The following RYR1 variants were observed in gnomAD, a reference collection of about 807,000 sequenced individuals.
RYR1 encodes the protein ryanodine receptor 1, also known as central core disease of muscle.
Under a neutral mutation model 583.5 loss-of-function variants are expected in RYR1, and 342 were observed. The ratio of observed to expected loss-of-function variants is 0.59; its 90% CI spans 0.54 to 0.64. RYR1 has a LOEUF of 0.64. Among genes scored for constraint, RYR1 ranks in the 30% least tolerant of loss-of-function variants. RYR1 has a pLI of 0.00. For synonymous variants in RYR1, 2,791 were observed against 2,822.5 expected, an observed-to-expected ratio of 0.99 and a Z score of 0.35; for missense variants, 6,032 against 6,917.2, an observed-to-expected ratio of 0.87 and a Z score of 4.54.
chr19:38,502,787 A>AGGGGCC, intron 48 of RYR1, 60 bp downstream of exon 48: 2 of 395,818 alleles, frequency 5.1e-6, no homozygotes, highest in Non-Finnish European at 8.1e-6. Flanking sequence ...GGGCAGGGGC[A>AGGGGCC]GGGGCAGGGG....
chr19:38,510,410 C>A, intron 58 of RYR1, 88 bp from the exon 59 acceptor site: 1 of 1,349,662 alleles, frequency 7.4e-7, no homozygotes, highest in East Asian at 2.3e-5. Flanking sequence ...CATCATTTCC[C>A]AACTCTGCTC....
In RYR1 at chr19:38,451,870, A is replaced by G; in HGVS notation, c.1229A>G (p.Tyr410Cys). Residue 410 changes from tyrosine (Y) to cysteine (C), a missense_variant, in exon 12 of 106, where the codon TAC (tyrosine) becomes TGC (cysteine). By Grantham distance (194) the Tyr-to-Cys change is radical. Transcript: ENST00000359596. ...ARMIHSTNGL[Y>C]NQFIKSLDSF... Reference sequence around the variant, plus strand: ...ATGATCCACAGCACCAATGGCCTATACAACCAGTTCATCAAGTGAGCAACC... The same window carrying G: ...ATGATCCACAGCACCAATGGCCTATGCAACCAGTTCATCAAGTGAGCAACC... The G allele has an allele frequency of 6.2e-7, 1 of 1,614,130 alleles. No homozygotes were observed. The highest frequency in any genetic ancestry group is 8.5e-7 in the Non-Finnish European group (1 of 1,180,012).
chr19:38,561,061 A>C lies in RYR1; in HGVS notation c.12283-52A>C. On this transcript the variant is annotated intron_variant, in intron 89 of 105. Transcript: ENST00000359596. The surrounding 1 kb of genome is among the most constrained non-coding windows in gnomAD (Gnocchi z 4.8). ...GTCTTAAAAAAAAAAAAAAAAAGAG[A>C]GAGAATTGAGGCTCTCCAGGTCACC... 35 of 1,325,826 alleles carry C rather than the reference A, an allele frequency of 2.6e-5. No individual in the cohort carries two copies. Among genetic ancestry groups the C allele is most frequent in the South Asian group, 3.8e-5 (3 of 78,780 alleles). The allele number at this position is 1,325,826 out of a possible 1,614,324, so 82.1% of individuals were successfully genotyped here.
In RYR1 at chr19:38,577,942, T is replaced by C; in HGVS notation, c.14197T>C (p.Tyr4733His). The C allele has an allele frequency of 6.2e-7, 1 of 1,614,144 alleles. No individual in the cohort carries two copies. The highest frequency in any genetic ancestry group is 8.5e-7 in the Non-Finnish European group (1 of 1,180,028). ...GGTCCTGGACAAACATGGGGACATC[T>C]ACGGGCGGGAGCGGATTGCTGAGCT... ...RKVLDKHGDI[Y>H]GRERIAELLG... Residue 4733 changes from tyrosine to histidine, a missense_variant, in exon 98 of 106, where the codon TAC (tyrosine) becomes CAC (histidine). Physicochemically the swap from Tyr to His is moderately conservative, Grantham distance 83. This residue lies in a region of RYR1 where 188 missense variants were observed against 215.6 expected (regional missense o/e 0.87). Transcript: ENST00000359596.
At chr19:38,488,635 G>A (rs569498179) in intron 34 of RYR1, among the ~76,000 whole-genome samples, 1 of 152,286 alleles carries the variant, frequency 6.6e-6, no homozygotes, top group South Asian at 2.1e-4. Flanking sequence ...CTGAGTAGCT[G>A]GGAATACAGG....
chr19:38,500,747 G>A lies in RYR1; in HGVS notation c.7444+21G>A. Reference sequence around the variant, plus strand: ...CAAAGGTGCAGAGGGGATGGAACTTGGCGAAGGAGTGATGCTGGGGAGGGA... The same window carrying A: ...CAAAGGTGCAGAGGGGATGGAACTTAGCGAAGGAGTGATGCTGGGGAGGGA... On this transcript the variant is annotated intron_variant, in intron 46 of 105. Coordinates refer to ENST00000359596, the MANE Select transcript of RYR1 (RefSeq NM_000540.3). The surrounding 1 kb of genome is among the most constrained non-coding windows in gnomAD (Gnocchi z 5.9). The A allele has an allele frequency of 6.2e-7, 1 of 1,614,142 alleles. No individual in the cohort carries two copies. The highest frequency in any genetic ancestry group is 8.5e-7 in the Non-Finnish European group (1 of 1,180,022).
At chr19:38,567,255 G>A (rs1239051151) in intron 92 of RYR1, among the ~76,000 whole-genome samples, 1 of 152,154 alleles carries the variant, frequency 6.6e-6, no homozygotes, top group African/African-American at 2.4e-5. Flanking sequence ...GACCCCTGGA[G>A]GTGGAGGCTG....
intron 61 of RYR1, among the ~76,000 whole-genome samples, 171 bp from the exon 62 acceptor site, chr19:38,511,901 G>A (rs1038125156): frequency 9.9e-5 from 15 of 152,114 alleles, no homozygotes; most frequent in African/African-American, 3.1e-4. Flanking sequence ...GGGCTGGGGA[G>A]GAGGGACATT....
chr19:38,522,027 A>T (rs911666041), intron 67 of RYR1, among the ~76,000 whole-genome samples: 2 of 152,070 alleles, frequency 1.3e-5, no homozygotes, highest in Non-Finnish European at 2.9e-5. Flanking sequence ...AATTTTAAAA[A>T]GTTTTTAGCC....
chr19:38,561,475 GCAAGCTCGCCT>G lies in RYR1; in HGVS notation c.12624+23_12624+33del. 1 of 1,596,596 alleles carries G rather than the reference GCAAGCTCGCCT, an allele frequency of 6.3e-7. No homozygotes were observed. The highest frequency in any genetic ancestry group is 8.5e-7 in the Non-Finnish European group (1 of 1,174,142). The stretch of plus-strand genomic sequence containing the variant: ...CCCAGGTCAGGGAACCCGCGCGCGT[GCAAGCTCGCCT>G]CCTGGGGCTTCGGGCATGCGGGTGC... On this transcript the variant is annotated intron_variant, in intron 90 of 105. Coordinates refer to ENST00000359596, the MANE Select transcript of RYR1 (RefSeq NM_000540.3). The surrounding 1 kb of genome is among the most constrained non-coding windows in gnomAD (Gnocchi z 4.8).
At chr19:38,443,848 C>G (rs1568435498) in intron 5 of RYR1, 52 bp downstream of exon 5, 2 of 1,548,346 alleles carry the variant, frequency 1.3e-6, no homozygotes, top group Non-Finnish European at 1.8e-6. Flanking sequence ...AGCAGGGATT[C>G]AGGGGGTAGA....
At chr19:38,556,514 T>C (rs900284571) in intron 89 of RYR1, among the ~76,000 whole-genome samples, 5 of 151,600 alleles carry the variant, frequency 3.3e-5, no homozygotes, top group African/African-American at 1.2e-4. Flanking sequence ...ACACTACACA[T>C]AATCTAGTAC....
rs201563023 is a variant in RYR1, at chr19:38,499,858, G to A, written c.7214+37G>A. ...GGCCCCCTCCTCAATAGGGCAACCC[G>A]CCCTCCCTGGCCCCTGGCTGCCTCC... On this transcript the variant is annotated intron_variant, in intron 44 of 105. Transcript: ENST00000359596. This position sits in a 1 kb window ranked among gnomAD's most constrained non-coding sequence, Gnocchi z 7.3. 2.9e-4 allele frequency: 367 copies of A among 1,284,328 alleles called. 2 individuals carry two copies. In the African/African-American group the frequency reaches 3.1e-3, roughly 11 times the overall value. 79.6% of individuals were successfully genotyped at this position (1,284,328 alleles called of 1,614,324 possible).
chr19:38,548,275 T>C lies in RYR1; in HGVS notation c.12137T>C (p.Met4046Thr). The change falls in exon 89 of 106, where the codon ATG becomes ACG. Residue 4046 changes from methionine (M) to threonine (T), a missense_variant. Met to Thr is a moderately conservative substitution (Grantham distance 81). Transcript: ENST00000359596. Reference protein sequence around the residue: ...NGMIARQMVDMLVESSSNVEM... With the variant: ...NGMIARQMVDTLVESSSNVEM... ...ATGATCGCCCGGCAGATGGTGGACA[T>C]GCTCGTGGAATCCTCATCCAATGTG... 6.2e-7 allele frequency: 1 copy of C among 1,614,188 alleles called. No homozygotes were observed. The highest frequency in any genetic ancestry group is 1.1e-5 in the South Asian group (1 of 91,080).
chr19:38,478,242 C>T (rs916368166), intron 30 of RYR1, among the ~76,000 whole-genome samples, 193 bp from the exon 31 acceptor site: 2 of 152,096 alleles, frequency 1.3e-5, no homozygotes, highest in African/African-American at 2.4e-5. Context: ...CCCCACTGCG[C>T]CAGCTGCTAG....
chr19:38,494,547 A>ATG lies in RYR1; in HGVS notation c.6470_6471insTG (p.Glu2157AspfsTer23). On this transcript the variant is annotated frameshift_variant, in exon 39 of 106. Transcript: ENST00000359596. LOFTEE classifies it high-confidence loss of function. ...GTGGAAGACACCATGAGCCTGCTCG[A>ATG]GTGCCTCGGCCAGATCCGCTCGCTG... 6.2e-7 allele frequency: 1 copy of ATG among 1,614,104 alleles called. No homozygotes were observed. Among genetic ancestry groups the ATG allele is most frequent in the South Asian group, 1.1e-5 (1 of 91,086 alleles).
At chr19:38,535,271 C>T in intron 80 of RYR1, 45 bp from the exon 81 acceptor site, 2 of 1,612,724 alleles carry the variant, frequency 1.2e-6, no homozygotes, top group Non-Finnish European at 1.7e-6. Flanking sequence ...ATGAGAGGTT[C>T]CTGTGTGACT....
Position 38,457,513 on chromosome 19 carries a change from G to C in RYR1, c.1808G>C (p.Cys603Ser). Residue 603 changes from cysteine to serine, a missense_variant, in exon 17 of 106, where the codon TGC (cysteine) becomes TCC (serine). Around this residue, in one of 11 missense-constraint regions of RYR1, gnomAD observed 2,627 missense variants for 2,961.3 expected, o/e 0.89. Coordinates refer to ENST00000359596, the MANE Select transcript of RYR1 (RefSeq NM_000540.3). Reference sequence around the variant, plus strand: ...GACCTCTAGGTCCTGGACGTGCTATGCTCCCTGTGTGTGTGTAATGGTGTG... The same window carrying C: ...GACCTCTAGGTCCTGGACGTGCTATCCTCCCTGTGTGTGTGTAATGGTGTG... ...GRNHKVLDVL[C>S]SLCVCNGVAV... 1 of 1,614,054 alleles carries C rather than the reference G, an allele frequency of 6.2e-7. No individual in the cohort carries two copies. The highest frequency in any genetic ancestry group is 1.1e-5 in the South Asian group (1 of 91,072).
At chr19:38,472,563 G>C (rs551921811) in intron 27 of RYR1, among the ~76,000 whole-genome samples, 4 of 152,060 alleles carry the variant, frequency 2.6e-5, no homozygotes, top group Admixed American at 2.0e-4. Context: ...TCAAATCTAG[G>C]GGGGAAAGCA....
Sources: allele counts gnomAD v4.1 joint callset (sites outside exome capture counted in the v4.1 genomes callset), GRCh38; gene constraint gnomAD v4.1.1; regional missense constraint gnomAD v4.1.1; non-coding constraint Gnocchi (gnomAD v3.1); transcripts MANE v1.5; gene names NCBI Gene and HGNC (gene_info 2026-07-23, HGNC 2026-07-21).